The following MYO15A variants were observed in gnomAD, a reference collection of about 807,000 sequenced individuals.
MYO15A encodes unconventional myosin-XV.
MYO15A carries 308 observed loss-of-function variants against 394.6 expected under a neutral mutation model. That is an observed-to-expected ratio of 0.78 (90% CI 0.71 to 0.86). The LOEUF (loss-of-function observed/expected upper bound fraction) is 0.86, where lower values mean the gene tolerates loss of function less well. Ranked by LOEUF, MYO15A falls within the 40% of genes least tolerant of loss-of-function variation. The probability of loss-of-function intolerance (pLI) is 0.00; values close to 1 mark genes in which losing one functional copy is unlikely to be tolerated. For missense variants in MYO15A, 4,606 were observed against 4,799.1 expected (o/e 0.96, Z 1.19); for synonymous variants, 1,957 against 2,003.8 (o/e 0.98, Z 0.62).
chr17:18,114,983 C>A (rs1270050159), intron 1 of MYO15A, among the ~76,000 whole-genome samples: 1 of 152,192 alleles, frequency 6.6e-6, no homozygotes, highest in Non-Finnish European at 1.5e-5. Flanking sequence ...GTGATGGCCC[C>A]CCAGCAGTGC....
chr17:18,159,927 C>T lies in MYO15A; in HGVS notation c.9304-8C>T, dbSNP rs778260891. The T allele has an allele frequency of 1.1e-5, 17 of 1,613,986 alleles. No homozygotes were observed. The Admixed American group carries it at 2.5e-4, about 24-fold the overall frequency. Reference sequence around the variant, plus strand: ...TCTTTGGTGTGTAACCTCCCTGCCCCCCTTCAGCTGTGCGGGGACCATGAG... The same window carrying T: ...TCTTTGGTGTGTAACCTCCCTGCCCTCCTTCAGCTGTGCGGGGACCATGAG... On this transcript the variant is annotated splice_region_variant and splice_polypyrimidine_tract_variant and intron_variant, in intron 55 of 65. Coordinates refer to ENST00000647165, the MANE Select transcript of MYO15A (RefSeq NM_016239.4).
At chr17:18,112,562 C>G (rs1218664557) in intron 1 of MYO15A, among the ~76,000 whole-genome samples, 1 of 152,150 alleles carries the variant, frequency 6.6e-6, no homozygotes, top group Non-Finnish European at 1.5e-5. Context: ...TGTGCACCAC[C>G]ATGTTCGGCT....
chr17:18,167,780 C>T, intron 62 of MYO15A, 57 bp downstream of exon 62: 1 of 1,596,118 alleles, frequency 6.3e-7, no homozygotes, highest in Non-Finnish European at 8.5e-7. Flanking sequence ...GCCCTCTCAG[C>T]CCACCTCCAC....
At chr17:18,156,107 T>C in intron 47 of MYO15A, 88 bp from the exon 48 acceptor site, 1 of 1,603,186 alleles carries the variant, frequency 6.2e-7, no homozygotes, top group South Asian at 1.1e-5. Context: ...GGGCTTCAAA[T>C]GGGGCAGGAC....
At chr17:18,108,964 A>G (rs1280235393) in intron 1 of MYO15A, 140 bp downstream of exon 1, 2 of 152,408 alleles carry the variant, frequency 1.3e-5, no homozygotes, top group Non-Finnish European at 2.9e-5. Context: ...TCTCTGCCTC[A>G]CTTTGTTCAT....
At chr17:18,139,192 CTCA>C in intron 18 of MYO15A, 1 of 628,306 alleles carries the variant, frequency 1.6e-6, no homozygotes, top group Non-Finnish European at 2.9e-6. Flanking sequence ...TAAAGAGTAG[CTCA>C]TCAATAGTGA....
chr17:18,163,145 C>A, intron 58 of MYO15A, 99 bp from the exon 59 acceptor site: 1 of 1,317,760 alleles, frequency 7.6e-7, no homozygotes, highest in Non-Finnish European at 1.1e-6. Context: ...ACGTGCCAGC[C>A]CAGGATCCTT....
rs750070326 is a variant in MYO15A, at chr17:18,121,623, C to T, written c.2823C>T (p.Ser941=). 34 of 1,602,626 alleles carry T rather than the reference C, an allele frequency of 2.1e-5. No individual in the cohort carries two copies. The African/African-American group carries it at 3.9e-4, about 18-fold the overall frequency. ...VDMPPTQRPP[S]PWPGGAGSRR... is the part of the protein sequence containing the mutation. ...TGCCTCCCACCCAACGCCCACCCTC[C>T]CCCTGGCCAGGAGGTGCAGGCAGCC... Residue 941 remains serine, a synonymous_variant, in exon 2 of 66, where the codon TCC becomes TCT. Coordinates refer to ENST00000647165, the MANE Select transcript of MYO15A (RefSeq NM_016239.4). The surrounding 1 kb of genome is among the most constrained non-coding windows in gnomAD (Gnocchi z 5.3).
In MYO15A at chr17:18,179,626, G is replaced by C. The variant is rs1353020532; in HGVS notation, c.*756G>C. On this transcript the variant is annotated 3_prime_UTR_variant, in exon 66 of 66. Coordinates refer to ENST00000647165, the MANE Select transcript of MYO15A (RefSeq NM_016239.4). The stretch of plus-strand genomic sequence containing the variant: ...AAATGGGACATTAGCATTGAGTTTT[G>C]AAAGATGAGTAGGAGTTTGCTAAGA... The C allele has an allele frequency of 1.3e-5, 2 of 152,810 alleles. No individual in the cohort carries two copies. Among genetic ancestry groups the C allele is most frequent in the African/African-American group, 4.8e-5 (2 of 41,456 alleles). 9.5% of individuals were successfully genotyped at this position (152,810 alleles called of 1,614,324 possible).
At chr17:18,140,346 C>G in intron 19 of MYO15A, 171 bp from the exon 20 acceptor site, 1 of 902,692 alleles carries the variant, frequency 1.1e-6, no homozygotes, top group African/African-American at 1.7e-5. Context: ...TGAGCCCCAC[C>G]TGTTTTGAGA....
chr17:18,163,862 T>C, intron 60 of MYO15A, 24 bp downstream of exon 60: 6 of 1,608,310 alleles, frequency 3.7e-6, no homozygotes, highest in Non-Finnish European at 5.1e-6. Context: ...AGACTGAGCA[T>C]GCTGGGCCCA....
chr17:18,159,007 C>G lies in MYO15A; in HGVS notation c.9156+10C>G. 6 of 1,613,414 alleles carry G rather than the reference C, an allele frequency of 3.7e-6. No individual in the cohort carries two copies. The Middle Eastern group carries it at 5.0e-4, about 133-fold the overall frequency. ...GCTTTGCTTCACCAAGGTGTCCAGT[C>G]CCGGACCTCAGTTTCCCCATCTGTA... On this transcript the variant is annotated intron_variant, in intron 53 of 65. Transcript: ENST00000647165.
At chr17:18,139,864 C>T (rs1043438888) in intron 19 of MYO15A, among the ~76,000 whole-genome samples, 6 of 152,226 alleles carry the variant, frequency 3.9e-5, no homozygotes, top group South Asian at 2.1e-4. Context: ...ACTCTGGCCC[C>T]GCTCCCAGTT....
At chr17:18,115,057 A>T (rs988139048) in intron 1 of MYO15A, among the ~76,000 whole-genome samples, 5 of 151,956 alleles carry the variant, frequency 3.3e-5, no homozygotes, top group Non-Finnish European at 5.9e-5. Context: ...AGCCTTCCTC[A>T]TCCTGGCCAA....
chr17:18,159,664 T>A lies in MYO15A; in HGVS notation c.9288T>A (p.Leu3096=), dbSNP rs765268284. Residue 3096 remains leucine, a synonymous_variant, in exon 55 of 66, where the codon CTT becomes CTA. Transcript: ENST00000647165. The stretch of plus-strand genomic sequence containing the variant: ...AGGGCCAGAGTGACCTGGACGTGCT[T>A]TGTAACCTCCTGAAGGTCAGTCCAG... ...PLKGQSDLDV[L]CNLLKLCGDH... 3.1e-6 allele frequency: 5 copies of A among 1,614,118 alleles called. No homozygotes were observed. In the South Asian group the frequency reaches 5.5e-5, roughly 18 times the overall value.
intron 2 of MYO15A, 120 bp from the exon 3 acceptor site, chr17:18,124,363 C>A: frequency 1.0e-6 from 1 of 989,532 alleles, no homozygotes; most frequent in Non-Finnish European, 1.5e-6. Context: ...GCAGGACCCA[C>A]CTGGCCTTGG....
In MYO15A at chr17:18,171,814, C is replaced by T. The variant is rs368704184; in HGVS notation, c.10216+43C>T. ...GGGGAGGTGATCATAGGGGGCTTTG[C>T]TGAGGAGGGTGGTCATGGAGGATGG... is the stretch of plus-strand genomic sequence containing the variant. On this transcript the variant is annotated intron_variant, in intron 63 of 65. Transcript: ENST00000647165. 14 of 1,590,776 alleles carry T rather than the reference C, an allele frequency of 8.8e-6. No individual in the cohort carries two copies. In the African/African-American group the frequency reaches 1.7e-4, roughly 20 times the overall value.
intron 18 of MYO15A, 119 bp from the exon 19 acceptor site, chr17:18,139,415 A>G: frequency 8.6e-7 from 1 of 1,158,964 alleles, no homozygotes. Context: ...CCCCAGGAGT[A>G]GGGAGAATGG....
At chr17:18,152,375 C>T (rs1425182105) in intron 42 of MYO15A, among the ~76,000 whole-genome samples, 191 bp downstream of exon 42, 1 of 152,120 alleles carries the variant, frequency 6.6e-6, no homozygotes, top group Non-Finnish European at 1.5e-5. Flanking sequence ...CCATCCTGGC[C>T]TCATGTAATC....
Sources: allele counts gnomAD v4.1 joint callset (sites outside exome capture counted in the v4.1 genomes callset), GRCh38; gene constraint gnomAD v4.1.1; non-coding constraint Gnocchi (gnomAD v3.1); transcripts MANE v1.5; gene names NCBI Gene and HGNC (gene_info 2026-07-23, HGNC 2026-07-21).